MDN1: variants seen among roughly 807,000 people sequenced by gnomAD.
MDN1 encodes the protein midasin.
MDN1 carries 266 observed loss-of-function variants against 669.2 expected under a neutral mutation model. The ratio of observed to expected loss-of-function variants is 0.40; its 90% CI spans 0.36 to 0.44. The LOEUF (loss-of-function observed/expected upper bound fraction) is 0.44. Ranked by LOEUF, MDN1 falls within the 20% of genes least tolerant of loss-of-function variation. The pLI is 1.00. For missense variants in MDN1, 5,940 were observed against 6,754.0 expected, an observed-to-expected ratio of 0.88 and a Z score of 4.22; for synonymous variants, 2,385 against 2,457.1, an observed-to-expected ratio of 0.97 and a Z score of 0.87.
At chr6:89,692,209 T>A (rs1225576825) in intron 63 of MDN1, among the ~76,000 whole-genome samples, 1 of 151,990 alleles carries the variant, frequency 6.6e-6, no homozygotes. Flanking sequence ...AGAAAACACA[T>A]GTAGTGTATA....
rs749751064 is a variant in MDN1 at position 89,671,049 on chromosome 6, C to T, written c.13826G>A (p.Arg4609His). The T allele has an allele frequency of 3.2e-5, 52 of 1,613,826 alleles. No individual in the cohort carries two copies. Among genetic ancestry groups the T allele is most frequent in the Non-Finnish European group, 4.2e-5 (50 of 1,179,992 alleles). Residue 4609 changes from arginine (R) to histidine (H), a missense_variant, in exon 83 of 102, where the codon CGC becomes CAC. Coordinates refer to ENST00000369393, the MANE Select transcript of MDN1 (RefSeq NM_014611.3). ...GTAGCTGGAGAGGACCGGCACCAGG[C>T]GCACCAGCAAGGAACAGGATTGGCT... is the stretch of plus-strand genomic sequence containing the variant. ...FFSQSCSLLV[R>H]LVPVLSSYSD...
intron 76 of MDN1, among the ~76,000 whole-genome samples, chr6:89,677,238 A>G (rs892900392): frequency 3.9e-5 from 6 of 152,082 alleles, no homozygotes; most frequent in African/African-American, 1.4e-4. Flanking sequence ...GATTATAAGC[A>G]TGTGCCACCA....
chr6:89,682,086 A>T (rs1269220674), intron 73 of MDN1, among the ~76,000 whole-genome samples: 1 of 152,202 alleles, frequency 6.6e-6, no homozygotes, highest in Non-Finnish European at 1.5e-5. Context: ...GAATTTTGCA[A>T]GCCAAATCTT....
intron 38 of MDN1, 122 bp downstream of exon 38, chr6:89,725,077 G>A (rs1010972738): frequency 1.1e-6 from 1 of 882,792 alleles, no homozygotes; most frequent in African/African-American, 1.7e-5. Flanking sequence ...ATAAGGACAA[G>A]AAAGAGGATC....
intron 75 of MDN1, among the ~76,000 whole-genome samples, chr6:89,678,002 G>A (rs62417299): frequency 0.18 from 26,707 of 152,258 alleles, 2,422 homozygotes; most frequent in East Asian, 0.22. Context: ...TGCCAGGCAC[G>A]GTGGCTCACG....
Position 89,808,945 on chromosome 6 carries a change from G to A in MDN1, c.103-5391C>T, listed in dbSNP as rs182047650. Among the ~76,000 whole-genome samples, 42 of 152,152 alleles carry A rather than the reference G, an allele frequency of 2.8e-4. 1 individual carries two copies. Among genetic ancestry groups the A allele is most frequent in the African/African-American group, 9.2e-4 (38 of 41,506 alleles). On this transcript the variant is annotated intron_variant, in intron 1 of 101. Transcript: ENST00000369393. ...AAAGTATATGTATTTGGCTGGGCACGGTGGCTCATGCCTGTAATCCCAGCA... is the reference window on the plus strand; with the variant it reads ...AAAGTATATGTATTTGGCTGGGCACAGTGGCTCATGCCTGTAATCCCAGCA...
At chr6:89,731,066 C>A in intron 34 of MDN1, 143 bp from the exon 35 acceptor site, 1 of 654,414 alleles carries the variant, frequency 1.5e-6, no homozygotes, top group Non-Finnish European at 2.6e-6. Flanking sequence ...TGTAAGCAGT[C>A]CTAAGAAAGA....
At chr6:89,668,182 T>C (rs1479303738) in intron 83 of MDN1, 31 bp from the exon 84 acceptor site, 2 of 1,610,944 alleles carry the variant, frequency 1.2e-6, no homozygotes, top group Non-Finnish European at 1.7e-6. Flanking sequence ...AGTGAACAAT[T>C]AGGCACAAAA....
intron 63 of MDN1, among the ~76,000 whole-genome samples, chr6:89,691,699 A>C (rs1812389719): frequency 6.6e-6 from 1 of 152,248 alleles, no homozygotes; most frequent in African/African-American, 2.4e-5. Flanking sequence ...ACAGGAAAAT[A>C]ATCACTATAC....
At chr6:89,666,294 C>G (rs1054969226) in intron 84 of MDN1, among the ~76,000 whole-genome samples, 4 of 152,168 alleles carry the variant, frequency 2.6e-5, no homozygotes, top group Non-Finnish European at 5.9e-5. Flanking sequence ...GAAACAAGGT[C>G]TTGCTCTCTT....
intron 53 of MDN1, among the ~76,000 whole-genome samples, chr6:89,704,395 G>A (rs1047981810): frequency 6.6e-6 from 1 of 152,156 alleles, no homozygotes; most frequent in African/African-American, 2.4e-5. Context: ...AAAAATTCTG[G>A]AAAACAGAGT....
intron 7 of MDN1, among the ~76,000 whole-genome samples, chr6:89,788,941 T>A (rs1306642643): frequency 6.6e-6 from 1 of 152,000 alleles, no homozygotes; most frequent in Admixed American, 6.6e-5. Context: ...CTGGCCAACA[T>A]GGTGAAACCC....
intron 88 of MDN1, among the ~76,000 whole-genome samples, chr6:89,659,648 TAAAC>T (rs937353417): frequency 1.4e-4 from 21 of 151,962 alleles, no homozygotes; most frequent in South Asian, 6.2e-4. Flanking sequence ...AAAACCCCCA[TAAAC>T]AAACAAACAA....
intron 72 of MDN1, 119 bp from the exon 73 acceptor site, chr6:89,683,449 A>G (rs760834229): frequency 3.8e-5 from 29 of 754,662 alleles, no homozygotes; most frequent in Non-Finnish European, 6.0e-5. Flanking sequence ...TTTTATATAC[A>G]ATGCTCTCCT....
At chr6:89,663,204 GGAAATACC>G (rs1809932591) in intron 85 of MDN1, among the ~76,000 whole-genome samples, 1 of 152,208 alleles carries the variant, frequency 6.6e-6, no homozygotes, top group Non-Finnish European at 1.5e-5. Context: ...AAAAGAGTAA[GGAAATACC>G]TATGAGGATG....
rs1315379577 is a variant in MDN1, at chr6:89,756,317, C to T, written c.2776G>A (p.Gly926Arg). ...LQVLIVDYLK[G>R]LSVNKNTVQG... ...ACTGTATTCTTGTTCACACTCAATC[C>T]TTTCAGATAATCTACAATAAGAACC... The change falls in exon 20 of 102, where the codon GGA becomes AGA. Residue 926 changes from glycine to arginine, a missense_variant. Gly to Arg is a moderately radical substitution (Grantham distance 125). Transcript: ENST00000369393. The T allele has an allele frequency of 1.9e-6, 3 of 1,602,168 alleles. No homozygotes were observed. Among genetic ancestry groups the T allele is most frequent in the Non-Finnish European group, 2.6e-6 (3 of 1,174,108 alleles).
chr6:89,781,727 A>C, intron 9 of MDN1, 135 bp from the exon 10 acceptor site: 141 of 676,844 alleles, frequency 2.1e-4, no homozygotes, highest in Middle Eastern at 4.1e-4. Context: ...ACGGTAGCTC[A>C]CACCTGTAAT....
chr6:89,697,884 C>T (rs1359131111), intron 59 of MDN1, among the ~76,000 whole-genome samples: 1 of 152,018 alleles, frequency 6.6e-6, no homozygotes, highest in Non-Finnish European at 1.5e-5. Context: ...GCCTGACCAA[C>T]ACAATTTTTT....
chr6:89,803,638 G>A lies in MDN1; in HGVS notation c.103-84C>T, dbSNP rs528383413. 263 of 1,001,134 alleles carry A rather than the reference G, an allele frequency of 2.6e-4. 6 individuals are homozygous for A. In the South Asian group the frequency reaches 3.9e-3, roughly 15 times the overall value. 62.0% of individuals were successfully genotyped at this position (1,001,134 alleles called of 1,614,324 possible). A position where few individuals can be genotyped will look rare whatever the true frequency, so the allele number is the denominator to read the frequency against. ...GCTCTGTCGCCCAGGAGCAAGTGCA[G>A]TGGTGCAATCTCAGCTCACTGCAAG... is the stretch of plus-strand genomic sequence containing the variant. On this transcript the variant is annotated intron_variant, in intron 1 of 101. Transcript: ENST00000369393.
Sources: allele counts gnomAD v4.1 joint callset (sites outside exome capture counted in the v4.1 genomes callset), GRCh38; gene constraint gnomAD v4.1.1; transcripts MANE v1.5; gene names NCBI Gene and HGNC (gene_info 2026-07-23, HGNC 2026-07-21).